PCDH15: variants seen among roughly 807,000 people sequenced by gnomAD.
PCDH15 encodes the protein protocadherin related 15, also known as protocadherin-15.
Under a neutral mutation model 178.5 loss-of-function variants are expected in PCDH15, and 129 were observed. That is an observed-to-expected ratio of 0.72 (90% confidence interval 0.63 to 0.84). The LOEUF is 0.84. Ranked by LOEUF, PCDH15 falls within the 40% of genes least tolerant of loss-of-function variation. The pLI is 0.00. For missense variants in PCDH15, 2,230 were observed against 2,099.9 expected, an observed-to-expected ratio of 1.06 and a Z score of -1.21; for synonymous variants, 800 against 732.0, an observed-to-expected ratio of 1.09 and a Z score of -1.50.
At chr10:54,393,819 A>C in intron 3 of PCDH15, among the ~76,000 whole-genome samples, 1 of 152,172 alleles carries the variant, frequency 6.6e-6, no homozygotes, top group East Asian at 1.9e-4. Context: ...ACAATTGTTA[A>C]GTTTCTCATT....
intron 2 of PCDH15, chr10:55,599,963 A>C: frequency 6.6e-7 from 1 of 1,507,558 alleles, no homozygotes; most frequent in South Asian, 1.3e-5. Flanking sequence ...ACCTATGAAG[A>C]GGCGGGTATA....
intron 2 of PCDH15, among the ~76,000 whole-genome samples, chr10:54,957,842 T>G (rs1838528267): frequency 6.6e-6 from 1 of 151,752 alleles, no homozygotes; most frequent in Non-Finnish European, 1.5e-5. Flanking sequence ...AGAATTATTA[T>G]GAATTAAAGG....
intron 1 of PCDH15, among the ~76,000 whole-genome samples, chr10:54,718,724 C>T (rs1029857345): frequency 2.3e-5 from 3 of 130,304 alleles, no homozygotes; most frequent in African/African-American, 8.6e-5. Context: ...TGAAGTCTCA[C>T]TCTGTTGCCC....
At chr10:55,505,812 A>G (rs1035090460) in intron 2 of PCDH15, among the ~76,000 whole-genome samples, 3 of 151,460 alleles carry the variant, frequency 2.0e-5, no homozygotes, top group African/African-American at 7.3e-5. Flanking sequence ...TGAATCCCAT[A>G]TGATAAACAT....
intron 8 of PCDH15, among the ~76,000 whole-genome samples, chr10:54,248,847 T>C (rs1438781613): frequency 1.3e-5 from 2 of 152,010 alleles, no homozygotes; most frequent in African/African-American, 4.8e-5. Flanking sequence ...TTGTCTCTGA[T>C]AGGAGTGGGA....
chr10:55,567,332 G>A (rs556140432), intron 2 of PCDH15, among the ~76,000 whole-genome samples: 1 of 150,930 alleles, frequency 6.6e-6, no homozygotes, highest in East Asian at 2.0e-4. Context: ...ACTCTTACAA[G>A]AAAGATAAGT....
chr10:54,901,650 C>T (rs6481129), intron 2 of PCDH15, among the ~76,000 whole-genome samples: 148,870 of 152,264 alleles, frequency 0.98, 72,866 homozygotes, highest in East Asian at 1. Context: ...GGCACCTACA[C>T]AGATAGTCTC....
intron 1 of PCDH15, among the ~76,000 whole-genome samples, chr10:55,299,249 T>C (rs530207086): frequency 1.1e-4 from 17 of 152,272 alleles, no homozygotes; most frequent in Admixed American, 3.3e-4. Flanking sequence ...AGAAATAAGA[T>C]GTAACCCATC....
At chr10:55,450,684 C>T (rs906482499) in intron 2 of PCDH15, among the ~76,000 whole-genome samples, 6 of 151,886 alleles carry the variant, frequency 4.0e-5, no homozygotes, top group Admixed American at 3.9e-4. Context: ...TTTCTGCTAC[C>T]AGGTTTTCTT....
intron 2 of PCDH15, among the ~76,000 whole-genome samples, chr10:55,379,506 T>C (rs927705116): frequency 1.3e-5 from 2 of 152,082 alleles, no homozygotes; most frequent in South Asian, 2.1e-4. Flanking sequence ...TAGTAGGTTA[T>C]AGGTCACGAA....
chr10:54,162,436 C>T (rs1209744410), intron 13 of PCDH15, among the ~76,000 whole-genome samples: 1 of 152,054 alleles, frequency 6.6e-6, no homozygotes, highest in African/African-American at 2.4e-5. Context: ...CTATGAAAGG[C>T]TGTCTGTGTT....
chr10:54,937,069 C>T (rs919634745), intron 2 of PCDH15, among the ~76,000 whole-genome samples: 1 of 151,822 alleles, frequency 6.6e-6, no homozygotes, highest in African/African-American at 2.4e-5. Flanking sequence ...TGTATTTATC[C>T]ACTTGTCTCC....
At chr10:53,901,010 C>A (rs558382414) in intron 26 of PCDH15, among the ~76,000 whole-genome samples, 2 of 152,102 alleles carry the variant, frequency 1.3e-5, no homozygotes, top group Non-Finnish European at 2.9e-5. Context: ...TGACAGTCAA[C>A]GATCCTCTTT....
At chr10:54,914,225 C>G (rs992594379) in intron 2 of PCDH15, among the ~76,000 whole-genome samples, 1 of 151,910 alleles carries the variant, frequency 6.6e-6, no homozygotes, top group Non-Finnish European at 1.5e-5. Context: ...GTGATTGGAT[C>G]GGGAGGGCAG....
chr10:54,162,857 G>A (rs1204787579), intron 13 of PCDH15, among the ~76,000 whole-genome samples: 2 of 152,124 alleles, frequency 1.3e-5, no homozygotes, highest in Non-Finnish European at 2.9e-5. Flanking sequence ...GCTTATACAT[G>A]TATAGATATG....
chr10:54,938,014 T>G (rs1428885941), intron 2 of PCDH15, among the ~76,000 whole-genome samples: 3 of 152,072 alleles, frequency 2.0e-5, no homozygotes, highest in African/African-American at 7.2e-5. Flanking sequence ...GAGAAAGTTC[T>G]CTCTATTCCT....
chr10:53,964,881 G>A (rs371928217), intron 21 of PCDH15, among the ~76,000 whole-genome samples: 14 of 152,200 alleles, frequency 9.2e-5, no homozygotes, highest in African/African-American at 2.4e-4. Context: ...AGAAGACATC[G>A]TAGGACTTGG....
intron 2 of PCDH15, among the ~76,000 whole-genome samples, chr10:54,962,180 C>A (rs1202313848): frequency 6.6e-6 from 1 of 152,250 alleles, no homozygotes; most frequent in Non-Finnish European, 1.5e-5. Context: ...CAGTGACATG[C>A]TCCTGGACTG....
chr10:55,156,368 G>T (rs991395259), intron 2 of PCDH15, among the ~76,000 whole-genome samples: 1 of 152,114 alleles, frequency 6.6e-6, no homozygotes, highest in Non-Finnish European at 1.5e-5. Context: ...TGTGGTCTTT[G>T]GTATAGGTAA....
Sources: gnomAD v4.1 joint callset for allele counts (sites outside exome capture counted in the v4.1 genomes callset) on GRCh38, gnomAD v4.1.1 for gene constraint, MANE v1.5 for transcripts, NCBI Gene and HGNC (gene_info 2026-07-23, HGNC 2026-07-21) for gene names.